Variants in NEK4 observed in about 807,000 individuals in gnomAD.
NEK4 encodes the protein serine/threonine-protein kinase Nek4.
NEK4 carries 86 observed loss-of-function variants against 98.4 expected under a neutral mutation model. The ratio of observed to expected loss-of-function variants is 0.87; its 90% confidence interval spans 0.73 to 1.05. The LOEUF is 1.05. Ranked by LOEUF, NEK4 falls within the 50% of genes least tolerant of loss-of-function variation. The probability of loss-of-function intolerance (pLI) is 0.00; values close to 1 mark genes in which losing one functional copy is unlikely to be tolerated. For missense variants in NEK4, 898 were observed against 950.3 expected (o/e 0.94, Z 0.72); for synonymous variants, 328 against 342.2 (o/e 0.96, Z 0.46).
chr3:52,716,218 G>C (rs1263662296), intron 15 of NEK4, among the ~76,000 whole-genome samples: 4 of 152,146 alleles, frequency 2.6e-5, no homozygotes, highest in Admixed American at 2.6e-4. Context: ...CCAGGCCATG[G>C]ACAGAACAAG....
chr3:52,767,050 G>A (rs1453960798), intron 2 of NEK4, among the ~76,000 whole-genome samples: 1 of 152,070 alleles, frequency 6.6e-6, no homozygotes, highest in African/African-American at 2.4e-5. Context: ...TTGGGAGGCC[G>A]AGGTGAGCGG....
chr3:52,737,784 C>A, intron 14 of NEK4, 65 bp from the exon 15 acceptor site: 1 of 1,181,476 alleles, frequency 8.5e-7, no homozygotes, highest in Non-Finnish European at 1.2e-6. Context: ...AAGAACACTG[C>A]AATTTTTTAA....
At chr3:52,759,105 G>GAAAAAAAAAA (rs201147041) in intron 6 of NEK4, among the ~76,000 whole-genome samples, 4 of 112,600 alleles carry the variant, frequency 3.6e-5, no homozygotes, top group Admixed American at 8.5e-5. Flanking sequence ...AAAGAAAAAA[G>GAAAAAAAAAA]AAAAAAAAAA....
intron 5 of NEK4, 31 bp from the exon 6 acceptor site, chr3:52,760,967 T>C: frequency 2.8e-6 from 4 of 1,418,152 alleles, no homozygotes; most frequent in Non-Finnish European, 3.9e-6. Flanking sequence ...AGAGTTATTA[T>C]CAATATACTG....
chr3:52,708,514 T>A lies in NEK4; in HGVS notation c.*3263A>T, dbSNP rs1050483452. The A allele has an allele frequency of 6.6e-6, 1 of 152,218 alleles. No individual in the cohort carries two copies. The highest frequency in any genetic ancestry group is 2.4e-5 in the African/African-American group (1 of 41,458). The allele number at this position is 152,218 out of a possible 1,614,324, so 9.4% of individuals were successfully genotyped here. A position where few individuals can be genotyped will look rare whatever the true frequency, so the allele number is the denominator to read the frequency against. On this transcript the variant is annotated 3_prime_UTR_variant, in exon 16 of 16. Transcript: ENST00000233027. Reference sequence around the variant, plus strand: ...AATATGGTGCCACTAGACACGTCTATTTAATTAAAATTAAAATATAAAACT... The same window carrying A: ...AATATGGTGCCACTAGACACGTCTAATTAATTAAAATTAAAATATAAAACT...
In NEK4 at chr3:52,711,718, T is replaced by G; in HGVS notation, c.*59A>C. On this transcript the variant is annotated 3_prime_UTR_variant, in exon 16 of 16. Coordinates refer to ENST00000233027, the MANE Select transcript of NEK4 (RefSeq NM_003157.6). ...CCAAATGACTGTTTGCCCTTGCTTT[T>G]TAAGCCAAAATCCTCTAAAAATAGG... The G allele has an allele frequency of 8.9e-7, 1 of 1,122,564 alleles. No homozygotes were observed. Among genetic ancestry groups the G allele is most frequent in the Non-Finnish European group, 1.3e-6 (1 of 741,376 alleles). 69.5% of individuals were successfully genotyped at this position (1,122,564 alleles called of 1,614,324 possible).
chr3:52,740,382 AGAAAT>A (rs2097383742), intron 13 of NEK4, among the ~76,000 whole-genome samples: 1 of 152,256 alleles, frequency 6.6e-6, no homozygotes, highest in Non-Finnish European at 1.5e-5. Flanking sequence ...TCAAATTTCT[AGAAAT>A]GAAAGATACA....
intron 8 of NEK4, among the ~76,000 whole-genome samples, chr3:52,748,617 A>G (rs1279746208): frequency 6.6e-6 from 1 of 152,256 alleles, no homozygotes; most frequent in Non-Finnish European, 1.5e-5. Flanking sequence ...CACAATAAAA[A>G]GACCATTGAG....
At chr3:52,732,879 CT>C in intron 15 of NEK4, 1 of 229,594 alleles carries the variant, frequency 4.4e-6, no homozygotes, top group Non-Finnish European at 9.9e-6. Context: ...GAAAATGAGC[CT>C]ATTAAAAATC....
rs80211309 is a variant in NEK4, at chr3:52,752,375, T to C, written c.964-39A>G. ...TGTTTGGAAATTATTATAGCACTCC[T>C]CATATCTTATACAAAATCAACTCAA... On this transcript the variant is annotated intron_variant, in intron 6 of 15. Coordinates refer to ENST00000233027, the MANE Select transcript of NEK4 (RefSeq NM_003157.6). The C allele has an allele frequency of 3.4e-3, 5,278 of 1,559,008 alleles. 163 individuals carry two copies. The African/African-American group carries it at 0.062, about 18-fold the overall frequency.
intron 15 of NEK4, among the ~76,000 whole-genome samples, chr3:52,736,589 A>G (rs78628063): frequency 6.9e-6 from 1 of 145,030 alleles, no homozygotes; most frequent in Non-Finnish European, 1.5e-5. Flanking sequence ...CCGTCTCATA[A>G]AAAAAAAAAA....
In NEK4 at chr3:52,744,260, G is replaced by A. The variant is rs775729740; in HGVS notation, c.1873C>T (p.Gln625Ter). Residue 625 changes from glutamine to a stop codon, truncating the protein, a stop_gained, in exon 11 of 16, where the codon CAG (glutamine) becomes TAG (stop). Coordinates refer to ENST00000233027, the MANE Select transcript of NEK4 (RefSeq NM_003157.6). LOFTEE classifies it high-confidence loss of function. ...TTACCTGAAGAGGACATTTCTTCCT[G>A]TGACTGCTTTAGTCGCCTCCTCTCT... ...ARERRRLKQSQEEMSSSGPSV... is the reference protein window; with the variant it reads ...ARERRRLKQS 2.5e-6 allele frequency: 4 copies of A among 1,613,818 alleles called. No individual in the cohort carries two copies. The highest frequency in any genetic ancestry group is 2.2e-5 in the South Asian group (2 of 91,084).
At position 52,718,537 on chromosome 3, in the gene NEK4, C is replaced by T. The variant is rs1037476990; in HGVS notation, c.2434-6668G>A. 2.0e-5 allele frequency among the ~76,000 whole-genome samples: 3 copies of T among 151,940 alleles called. No homozygotes were observed. In the South Asian group the frequency reaches 6.3e-4, roughly 32 times the overall value. On this transcript the variant is annotated intron_variant, in intron 15 of 15. Transcript: ENST00000233027. ...TTACCTTCTCTTCATCAGACAATCC[C>T]TACAGGGATAGTTCAACTACGTGCT...
At chr3:52,759,080 G>A (rs1171850038) in intron 6 of NEK4, among the ~76,000 whole-genome samples, 3 of 141,796 alleles carry the variant, frequency 2.1e-5, no homozygotes, top group Admixed American at 7.8e-5. Context: ...AACAGAGCAA[G>A]ATCCTCTCTT....
intron 15 of NEK4, among the ~76,000 whole-genome samples, chr3:52,734,444 C>G (rs2097373026): frequency 8.7e-6 from 1 of 114,474 alleles, no homozygotes; most frequent in African/African-American, 2.9e-5. Context: ...CAGAGTGAGA[C>G]TCCAACTCAA....
chr3:52,760,988 GT>G, intron 5 of NEK4, 52 bp from the exon 6 acceptor site: 2 of 1,225,912 alleles, frequency 1.6e-6, no homozygotes, highest in African/African-American at 1.5e-5. Context: ...AAGATTAAGG[GT>G]TTTTAGGTAT....
At chr3:52,761,686 G>T (rs1317410723) in intron 5 of NEK4, among the ~76,000 whole-genome samples, 1 of 152,146 alleles carries the variant, frequency 6.6e-6, no homozygotes, top group Non-Finnish European at 1.5e-5. Context: ...GGGGTATACA[G>T]GAACTCTCCA....
At chr3:52,732,280 G>A (rs140541193) in intron 15 of NEK4, among the ~76,000 whole-genome samples, 5,051 of 152,106 alleles carry the variant, frequency 0.033, 278 homozygotes, top group African/African-American at 0.11. Flanking sequence ...TGCAAGCTCC[G>A]CCTCCTGGGT....
Position 52,723,789 on chromosome 3 carries a change from T to C in NEK4, c.2434-11920A>G, listed in dbSNP as rs183582549. On this transcript the variant is annotated intron_variant, in intron 15 of 15. Coordinates refer to ENST00000233027, the MANE Select transcript of NEK4 (RefSeq NM_003157.6). ...GAGGAGAGAGAGGGGATCAGATAAA[T>C]GATCTGAAGAAATAATAGCTGAAAA... is the stretch of plus-strand genomic sequence containing the variant. Among the ~76,000 whole-genome samples the C allele has an allele frequency of 3.9e-5, 6 of 152,138 alleles. No individual in the cohort carries two copies. The East Asian group carries it at 9.7e-4, about 25-fold the overall frequency.
Sources: gnomAD v4.1 joint callset for allele counts (sites outside exome capture counted in the v4.1 genomes callset) on GRCh38, gnomAD v4.1.1 for gene constraint, MANE v1.5 for transcripts, NCBI Gene and HGNC (gene_info 2026-07-23, HGNC 2026-07-21) for gene names.